Variants in MTMR3 observed in about 807,000 individuals in gnomAD.
MTMR3 encodes myotubularin related protein 3, also known as phosphatidylinositol-3,5-bisphosphate 3-phosphatase MTMR3.
In MTMR3, 32 loss-of-function variants were observed where a neutral mutation model predicts 132.4. The ratio of observed to expected loss-of-function variants is 0.24; its 90% CI spans 0.18 to 0.32. The LOEUF (loss-of-function observed/expected upper bound fraction) is 0.32. Ranked by LOEUF, MTMR3 falls within the 10% of genes least tolerant of loss-of-function variation. The pLI, the probability that MTMR3 is intolerant of heterozygous loss-of-function variation, is 1.00. For missense variants in MTMR3, 1,216 were observed against 1,489.6 expected (o/e 0.82, Z 3.02); for synonymous variants, 556 against 550.3 (o/e 1.01, Z -0.14).
intron 14 of MTMR3, chr22:30,014,042 G>C (rs549323661): frequency 6.5e-6 from 1 of 153,400 alleles, no homozygotes; most frequent in South Asian, 2.1e-4. Flanking sequence ...CTCTCTACCA[G>C]AGCATGGGTT....
chr22:29,942,296 G>A (rs1037907173), intron 1 of MTMR3, among the ~76,000 whole-genome samples: 22 of 152,184 alleles, frequency 1.4e-4, no homozygotes, highest in Non-Finnish European at 3.1e-4. Flanking sequence ...AGGAGAGGGA[G>A]TGTACGAATA....
At chr22:29,922,428 G>A (rs2065435490) in intron 1 of MTMR3, among the ~76,000 whole-genome samples, 1 of 152,116 alleles carries the variant, frequency 6.6e-6, no homozygotes, top group Non-Finnish European at 1.5e-5. Flanking sequence ...CTTTTTGGCT[G>A]TTGTGAATAA....
chr22:30,008,213 T>G (rs2067317197), intron 11 of MTMR3, 181 bp downstream of exon 11: 2 of 734,892 alleles, frequency 2.7e-6, no homozygotes, highest in Non-Finnish European at 4.1e-6. Context: ...TGAGGAGAAA[T>G]GGAGGAGGAG....
At chr22:29,986,629 C>T in intron 5 of MTMR3, 1 of 969,130 alleles carries the variant, frequency 1.0e-6, no homozygotes. Flanking sequence ...TCCTTTTGTT[C>T]TCAGAACACA....
intron 9 of MTMR3, 177 bp from the exon 10 acceptor site, chr22:30,006,937 G>T (rs184216849): frequency 9.1e-5 from 56 of 617,406 alleles, no homozygotes; most frequent in African/African-American, 8.8e-4. Flanking sequence ...CACAGGTTTT[G>T]TTGTTTGTTC....
intron 1 of MTMR3, among the ~76,000 whole-genome samples, chr22:29,916,977 T>C (rs1424782183): frequency 2.6e-5 from 4 of 152,216 alleles, no homozygotes; most frequent in Non-Finnish European, 5.9e-5. Flanking sequence ...AGATACAATG[T>C]CACTAATTAT....
rs1228277295 is a variant in MTMR3, at chr22:30,026,805, T to C, written c.*1004T>C. On this transcript the variant is annotated 3_prime_UTR_variant, in exon 20 of 20. Transcript: ENST00000401950. ...AATCATGGATCTTCCCTTTAAGGGG[T>C]AGAATCAGCCTTTAGAGTTACAAGC... is the stretch of plus-strand genomic sequence containing the variant. 2 of 152,782 alleles carry C rather than the reference T, an allele frequency of 1.3e-5. No individual in the cohort carries two copies. The highest frequency in any genetic ancestry group is 2.9e-5 in the Non-Finnish European group (2 of 68,086). 9.5% of individuals were successfully genotyped at this position (152,782 alleles called of 1,614,324 possible).
intron 6 of MTMR3, 117 bp downstream of exon 6, chr22:29,988,679 A>G (rs1383787998): frequency 1.6e-6 from 1 of 617,786 alleles, no homozygotes; most frequent in African/African-American, 1.9e-5. Flanking sequence ...CATTAGGAAT[A>G]TTTTCTGAGT....
At chr22:30,012,317 C>T (rs2067453255) in intron 12 of MTMR3, 51 bp from the exon 13 acceptor site, 3 of 1,559,986 alleles carry the variant, frequency 1.9e-6, no homozygotes, top group South Asian at 1.1e-5. Context: ...GAGCATGATG[C>T]AGTAAATCAT....
At chr22:29,931,013 GAAA>G (rs963131752) in intron 1 of MTMR3, among the ~76,000 whole-genome samples, 2 of 71,732 alleles carry the variant, frequency 2.8e-5, no homozygotes, top group Admixed American at 1.4e-4. Context: ...TGTCTCAAAA[GAAA>G]AAAAAAAAAA....
At chr22:30,021,204 A>G (rs2145976757) in intron 17 of MTMR3, 1 of 343,332 alleles carries the variant, frequency 2.9e-6, no homozygotes, top group East Asian at 5.1e-5. Flanking sequence ...CATGGGCAGA[A>G]TGACATCTGT....
intron 1 of MTMR3, among the ~76,000 whole-genome samples, chr22:29,936,252 T>G (rs1315582663): frequency 6.6e-6 from 1 of 152,212 alleles, no homozygotes; most frequent in Admixed American, 6.5e-5. Context: ...TGAATTTTTT[T>G]GGGGAAAGTC....
rs1211195741 is a variant in MTMR3, at chr22:30,007,937, T to C, written c.914T>C (p.Leu305Ser). ...SLSNASGAES[L>S]AIQPQKLLIL... Reference sequence around the variant, plus strand: ...TCAAATGCTTCAGGAGCAGAGAGTTTAGCCATCCAACCGCAGAAGCTTTTG... The same window carrying C: ...TCAAATGCTTCAGGAGCAGAGAGTTCAGCCATCCAACCGCAGAAGCTTTTG... The change falls in exon 11 of 20, where the codon TTA (leucine) becomes TCA (serine). Residue 305 changes from leucine to serine, a missense_variant. Leu to Ser is a moderately radical substitution (Grantham distance 145). Coordinates refer to ENST00000401950, the MANE Select transcript of MTMR3 (RefSeq NM_021090.4). The C allele has an allele frequency of 6.2e-7, 1 of 1,613,762 alleles. No homozygotes were observed. The highest frequency in any genetic ancestry group is 8.5e-7 in the Non-Finnish European group (1 of 1,180,004).
intron 18 of MTMR3, 30 bp from the exon 19 acceptor site, chr22:30,022,579 G>A (rs753359342): frequency 6.3e-7 from 1 of 1,599,386 alleles, no homozygotes; most frequent in Non-Finnish European, 8.6e-7. Context: ...CCCATCTCCT[G>A]TCAGTAACCT....
chr22:30,000,553 C>G (rs1390916923), intron 8 of MTMR3: 1 of 152,172 alleles, frequency 6.6e-6, no homozygotes, highest in Non-Finnish European at 1.5e-5. Context: ...TTAGCTGTCT[C>G]AAATTATGAC....
chr22:29,905,245 TG>T (rs2065073331), intron 1 of MTMR3, among the ~76,000 whole-genome samples: 1 of 152,154 alleles, frequency 6.6e-6, no homozygotes, highest in African/African-American at 2.4e-5. Flanking sequence ...CCTGCCTATA[TG>T]AAAAGCTAGC....
intron 5 of MTMR3, chr22:29,986,530 G>A: frequency 1.0e-6 from 1 of 966,316 alleles, no homozygotes; most frequent in Non-Finnish European, 1.2e-6. Context: ...TAGATGCACA[G>A]GTCTCAGAAG....
intron 1 of MTMR3, among the ~76,000 whole-genome samples, chr22:29,943,054 G>A (rs1224158298): frequency 4.6e-5 from 7 of 152,176 alleles, no homozygotes; most frequent in Admixed American, 4.6e-4. Context: ...AAAGACAGGT[G>A]TAAGAAATTA....
At chr22:30,008,065 T>C in intron 11 of MTMR3, 33 bp downstream of exon 11, 4 of 1,607,062 alleles carry the variant, frequency 2.5e-6, no homozygotes, top group Non-Finnish European at 3.4e-6. Context: ...CCCCATACTT[T>C]CTCCTTGTGA....
Sources: allele counts gnomAD v4.1 joint callset (sites outside exome capture counted in the v4.1 genomes callset), GRCh38; gene constraint gnomAD v4.1.1; transcripts MANE v1.5; gene names NCBI Gene and HGNC (gene_info 2026-07-23, HGNC 2026-07-21).